The following RERE variants were observed in gnomAD, a reference collection of about 807,000 sequenced individuals.
RERE encodes arginine-glutamic acid dipeptide repeats.
Under a neutral mutation model 146.1 loss-of-function variants are expected in RERE, and 40 were observed. The ratio of observed to expected loss-of-function variants is 0.27; its 90% CI spans 0.21 to 0.36. RERE has a LOEUF of 0.36. Among genes scored for constraint, RERE ranks in the 10% least tolerant of loss-of-function variants. The pLI is 1.00. For synonymous variants in RERE, 1,003 were observed against 866.0 expected (o/e 1.16, Z -2.78); for missense variants, 1,933 against 2,138.7 (o/e 0.90, Z 1.90).
chr1:8,567,191 T>C (rs1323530323), intron 4 of RERE, among the ~76,000 whole-genome samples: 1 of 152,138 alleles, frequency 6.6e-6, no homozygotes, highest in East Asian at 1.9e-4. Context: ...TTGTAGGCAC[T>C]AGGATCAAGG....
At chr1:8,624,443 C>G (rs1646951156) in intron 2 of RERE, 63 bp from the exon 3 acceptor site, 1 of 984,210 alleles carries the variant, frequency 1.0e-6, no homozygotes, top group Non-Finnish European at 1.6e-6. Context: ...AGACAGGGCC[C>G]ATAAAGCCAC....
intron 1 of RERE, among the ~76,000 whole-genome samples, chr1:8,760,118 C>T (rs1050996322): frequency 2.6e-5 from 4 of 152,218 alleles, no homozygotes; most frequent in East Asian, 1.9e-4. Context: ...CTCTGCCTCC[C>T]GGGTTCAAGC....
Position 8,817,619 on chromosome 1 carries a change from G to C in RERE, c.-604C>G, listed in dbSNP as rs1260781312. 1 of 151,470 alleles carries C rather than the reference G, an allele frequency of 6.6e-6. No homozygotes were observed. The highest frequency in any genetic ancestry group is 1.5e-5 in the Non-Finnish European group (1 of 67,830). The allele number at this position is 151,470 out of a possible 1,614,324, so 9.4% of individuals were successfully genotyped here. ...GGAGGCTGAGGAGGCTCCGGAGCGC[G>C]GAGGGTTGCTCGCGAGCGTCTGTGG... On this transcript the variant is annotated 5_prime_UTR_variant, in exon 1 of 23. Transcript: ENST00000400908.
At chr1:8,625,221 A>C (rs1460058978) in intron 2 of RERE, among the ~76,000 whole-genome samples, 1 of 152,068 alleles carries the variant, frequency 6.6e-6, no homozygotes, top group African/African-American at 2.4e-5. Context: ...AGCCACCCGA[A>C]GTGTCAGGAT....
At position 8,497,347 on chromosome 1, in the gene RERE, C is replaced by G; in HGVS notation, c.1004+58G>C. 1.9e-6 allele frequency: 3 copies of G among 1,597,326 alleles called. No homozygotes were observed. In the South Asian group the frequency reaches 3.3e-5, roughly 18 times the overall value. On this transcript the variant is annotated intron_variant, in intron 9 of 22. Transcript: ENST00000400908. ...TCAGGGGAAATGCAAAGTTTACTGC[C>G]TATAATCAGTTCAGATGGTCTAATT...
At chr1:8,493,208 T>C (rs1645000591) in intron 10 of RERE, among the ~76,000 whole-genome samples, 1 of 152,206 alleles carries the variant, frequency 6.6e-6, no homozygotes, top group Non-Finnish European at 1.5e-5. Context: ...CCACAGCCTC[T>C]ACTGGGCAGT....
At chr1:8,716,660 A>T (rs953535) in intron 1 of RERE, among the ~76,000 whole-genome samples, 3 of 151,948 alleles carry the variant, frequency 2.0e-5, no homozygotes, top group Non-Finnish European at 4.4e-5. Flanking sequence ...GTACGTGCAC[A>T]TATATTACCT....
intron 2 of RERE, among the ~76,000 whole-genome samples, chr1:8,626,960 A>C (rs1380074051): frequency 2.0e-5 from 3 of 152,114 alleles, no homozygotes; most frequent in African/African-American, 7.2e-5. Flanking sequence ...CAAGTGACAA[A>C]CTTACTGCAT....
intron 1 of RERE, among the ~76,000 whole-genome samples, chr1:8,700,844 A>C (rs1388234792): frequency 6.6e-6 from 1 of 152,200 alleles, no homozygotes; most frequent in Non-Finnish European, 1.5e-5. Context: ...TAGCAAGCAA[A>C]ACCCTTTGGC....
Position 8,589,435 on chromosome 1 carries a change from G to A in RERE, c.522+25126C>T, listed in dbSNP as rs150667386. Among the ~76,000 whole-genome samples the A allele has an allele frequency of 2.0e-4, 30 of 152,262 alleles. 1 individual carries two copies. The East Asian group carries it at 5.8e-3, about 29-fold the overall frequency. On this transcript the variant is annotated intron_variant, in intron 4 of 22. Coordinates refer to ENST00000400908, the MANE Select transcript of RERE (RefSeq NM_001042681.2). ...AGCATGGGAAACTGAGTGAGACCCT[G>A]TCTCAAAAACAAACAAACAAACACT...
At chr1:8,747,554 T>G (rs1198430110) in intron 1 of RERE, among the ~76,000 whole-genome samples, 1 of 152,142 alleles carries the variant, frequency 6.6e-6, no homozygotes, top group East Asian at 1.9e-4. Context: ...CATACTTGAT[T>G]TACTGAGTAT....
At chr1:8,682,767 T>C (rs1282883663) in intron 1 of RERE, among the ~76,000 whole-genome samples, 1 of 152,104 alleles carries the variant, frequency 6.6e-6, no homozygotes, top group Non-Finnish European at 1.5e-5. Context: ...ATTAGGCAAG[T>C]GATGACTCAT....
chr1:8,562,760 G>C (rs1008376832), intron 4 of RERE, among the ~76,000 whole-genome samples: 2 of 152,058 alleles, frequency 1.3e-5, no homozygotes, highest in African/African-American at 4.8e-5. Flanking sequence ...AAAAGGGGAG[G>C]GGGAGTTGTT....
chr1:8,572,132 A>T (rs569160273), intron 4 of RERE, among the ~76,000 whole-genome samples: 77 of 152,322 alleles, frequency 5.1e-4, no homozygotes, highest in Admixed American at 3.1e-3. Flanking sequence ...TTATTGAGGT[A>T]TAATTTACAT....
intron 1 of RERE, chr1:8,750,428 A>C: frequency 1.3e-6 from 1 of 787,952 alleles, no homozygotes; most frequent in Non-Finnish European, 2.2e-6. Context: ...TCCGGCTGGA[A>C]CCATGGAGGG....
intron 1 of RERE, among the ~76,000 whole-genome samples, chr1:8,692,781 A>C (rs543396024): frequency 6.6e-6 from 1 of 152,226 alleles, no homozygotes; most frequent in Non-Finnish European, 1.5e-5. Context: ...ACAGAAGCCA[A>C]GAATACAAAG....
chr1:8,788,048 T>G (rs1041388776), intron 1 of RERE, among the ~76,000 whole-genome samples: 2 of 151,802 alleles, frequency 1.3e-5, no homozygotes, highest in Admixed American at 1.3e-4. Flanking sequence ...CAGTTAGCCA[T>G]GATGGTGCCA....
chr1:8,774,622 G>A (rs1182284389), intron 1 of RERE, among the ~76,000 whole-genome samples: 1 of 151,942 alleles, frequency 6.6e-6, no homozygotes, highest in Non-Finnish European at 1.5e-5. Flanking sequence ...CCAAACTGCT[G>A]GGACTACAGG....
At chr1:8,742,867 C>CAAA (rs1330011632) in intron 1 of RERE, among the ~76,000 whole-genome samples, 4 of 93,162 alleles carry the variant, frequency 4.3e-5, no homozygotes, top group South Asian at 3.6e-4. Context: ...GATCCTGTCT[C>CAAA]AAAAAAAAAA....
Sources: allele counts gnomAD v4.1 joint callset (sites outside exome capture counted in the v4.1 genomes callset), GRCh38; gene constraint gnomAD v4.1.1; transcripts MANE v1.5; gene names NCBI Gene and HGNC (gene_info 2026-07-23, HGNC 2026-07-21).